KCNQ3: variants seen among roughly 807,000 people sequenced by gnomAD.
KCNQ3 encodes the protein potassium voltage-gated channel subfamily Q member 3, also known as potassium voltage-gated channel subfamily KQT member 3.
KCNQ3 carries 30 observed loss-of-function variants against 92.5 expected under a neutral mutation model. The observed-to-expected ratio is 0.32, with a 90% CI of 0.24 to 0.44. KCNQ3 has a LOEUF of 0.44. Ranked by LOEUF, KCNQ3 falls within the 20% of genes least tolerant of loss-of-function variation. KCNQ3 has a pLI of 1.00. For missense variants in KCNQ3, 913 were observed against 1,140.3 expected, an observed-to-expected ratio of 0.80 and a Z score of 2.87; for synonymous variants, 450 against 468.8, an observed-to-expected ratio of 0.96 and a Z score of 0.52.
chr8:132,253,554 A>G (rs1161926162), intron 1 of KCNQ3, among the ~76,000 whole-genome samples: 1 of 152,278 alleles, frequency 6.6e-6, no homozygotes, highest in South Asian at 2.1e-4. Context: ...TCCAGAAATA[A>G]TCTACTCTCC....
intron 1 of KCNQ3, among the ~76,000 whole-genome samples, chr8:132,256,828 T>A (rs2130456917): frequency 6.6e-6 from 1 of 152,184 alleles, no homozygotes; most frequent in South Asian, 2.1e-4. Flanking sequence ...AAACAAAAAA[T>A]TTGCTGCTTG....
At chr8:132,167,697 C>G (rs555703733) in intron 8 of KCNQ3, among the ~76,000 whole-genome samples, 56 of 152,354 alleles carry the variant, frequency 3.7e-4, no homozygotes, top group African/African-American at 1.3e-3. Context: ...AATATATTCT[C>G]TTAGTTTAAA....
chr8:132,303,693 C>T lies in KCNQ3; in HGVS notation c.387-117512G>A, dbSNP rs1191794379. ...ATATATATATACACACACACAGCCA[C>T]ACCACACACACACATATATATACAC... On this transcript the variant is annotated intron_variant, in intron 1 of 14. Coordinates refer to ENST00000388996, the MANE Select transcript of KCNQ3 (RefSeq NM_004519.4). Among the ~76,000 whole-genome samples the T allele has an allele frequency of 3.7e-5, 5 of 134,924 alleles. 1 individual carries two copies. The highest frequency in any genetic ancestry group is 8.3e-5 in the African/African-American group (3 of 36,078). 88.5% of individuals were successfully genotyped at this position (134,924 alleles called of 152,430 possible). A position where few individuals can be genotyped will look rare whatever the true frequency, so the allele number is the denominator to read the frequency against.
At chr8:132,173,133 A>G (rs546870316) in intron 6 of KCNQ3, among the ~76,000 whole-genome samples, 17 of 152,312 alleles carry the variant, frequency 1.1e-4, no homozygotes, top group African/African-American at 4.1e-4. Context: ...AGCTGCTTGA[A>G]CTGTCACGTG....
chr8:132,173,336 T>C lies in KCNQ3; in HGVS notation c.1045-643A>G, dbSNP rs185768546. Among the ~76,000 whole-genome samples, 36 of 152,158 alleles carry C rather than the reference T, an allele frequency of 2.4e-4. No homozygotes were observed. In the East Asian group the frequency reaches 6.8e-3, roughly 29 times the overall value. On this transcript the variant is annotated intron_variant, in intron 6 of 14. Coordinates refer to ENST00000388996, the MANE Select transcript of KCNQ3 (RefSeq NM_004519.4). Reference sequence around the variant, plus strand: ...ATTTAAGAAGGTCATTTGCTCAAGGTCAAATAGCTTAGGAAAAAAACCGAC... The same window carrying C: ...ATTTAAGAAGGTCATTTGCTCAAGGCCAAATAGCTTAGGAAAAAAACCGAC...
intron 1 of KCNQ3, among the ~76,000 whole-genome samples, chr8:132,200,462 A>T (rs1221357205): frequency 6.6e-6 from 1 of 152,142 alleles, no homozygotes; most frequent in Admixed American, 6.6e-5. Context: ...CTATGAGCCA[A>T]AGGCAATTTA....
At chr8:132,413,698 A>AAAATACCCCCTTTCTTC (rs1401670339) in intron 1 of KCNQ3, among the ~76,000 whole-genome samples, 8 of 152,236 alleles carry the variant, frequency 5.3e-5, no homozygotes, top group Admixed American at 5.2e-4. Context: ...CGCAAGATGG[A>AAAATACCCCCTTTCTTC]AAATACCCCC....
At chr8:132,345,886 ATGG>A (rs1202139243) in intron 1 of KCNQ3, among the ~76,000 whole-genome samples, 1 of 152,018 alleles carries the variant, frequency 6.6e-6, no homozygotes, top group African/African-American at 2.4e-5. Context: ...GGAGGATGGA[ATGG>A]TGATGATGAT....
intron 1 of KCNQ3, among the ~76,000 whole-genome samples, chr8:132,244,542 A>G (rs1815100020): frequency 6.6e-6 from 1 of 152,220 alleles, no homozygotes; most frequent in South Asian, 2.1e-4. Flanking sequence ...CAAAAGAATG[A>G]AAAGGCAAAA....
intron 1 of KCNQ3, among the ~76,000 whole-genome samples, chr8:132,305,023 C>A (rs1817374537): frequency 6.6e-6 from 1 of 152,174 alleles, no homozygotes; most frequent in South Asian, 2.1e-4. Context: ...TTCCCCAGAG[C>A]CATTTCTCTC....
chr8:132,334,340 G>T (rs377762246), intron 1 of KCNQ3, among the ~76,000 whole-genome samples: 6 of 151,982 alleles, frequency 3.9e-5, no homozygotes, highest in African/African-American at 1.4e-4. Context: ...AGGTGTGGTG[G>T]CATACACCTG....
intron 1 of KCNQ3, among the ~76,000 whole-genome samples, chr8:132,414,884 A>G (rs1820754327): frequency 6.6e-6 from 1 of 152,256 alleles, no homozygotes; most frequent in African/African-American, 2.4e-5. Flanking sequence ...AGGAGTGATA[A>G]ATAATGAACG....
chr8:132,314,677 G>T (rs1320128591), intron 1 of KCNQ3, among the ~76,000 whole-genome samples: 1 of 152,160 alleles, frequency 6.6e-6, no homozygotes, highest in East Asian at 1.9e-4. Flanking sequence ...TTTAGTTTAT[G>T]GTGAAGGTAG....
chr8:132,172,909 C>T (rs1022665494), intron 6 of KCNQ3, among the ~76,000 whole-genome samples: 1 of 152,194 alleles, frequency 6.6e-6, no homozygotes, highest in African/African-American at 2.4e-5. Context: ...GTCAGGAAGA[C>T]CTGGGTTCCA....
At chr8:132,469,739 A>G (rs1429052155) in intron 1 of KCNQ3, among the ~76,000 whole-genome samples, 1 of 152,132 alleles carries the variant, frequency 6.6e-6, no homozygotes, top group Non-Finnish European at 1.5e-5. Flanking sequence ...ATAGGATCAC[A>G]ACCAAGTTTC....
chr8:132,427,377 G>A (rs1821138523), intron 1 of KCNQ3, among the ~76,000 whole-genome samples: 1 of 152,168 alleles, frequency 6.6e-6, no homozygotes. Flanking sequence ...TTCTTGCCTG[G>A]TCTCCTTTAA....
At chr8:132,434,002 A>T (rs920756339) in intron 1 of KCNQ3, among the ~76,000 whole-genome samples, 5 of 152,064 alleles carry the variant, frequency 3.3e-5, no homozygotes, top group African/African-American at 1.2e-4. Flanking sequence ...AGGTCAGGAG[A>T]TCGAGACCAT....
chr8:132,458,941 C>T (rs1822003426), intron 1 of KCNQ3, among the ~76,000 whole-genome samples: 1 of 152,184 alleles, frequency 6.6e-6, no homozygotes, highest in African/African-American at 2.4e-5. Context: ...TTAGTTTTTA[C>T]TTAATACCCT....
At chr8:132,203,306 G>A (rs1827518075) in intron 1 of KCNQ3, among the ~76,000 whole-genome samples, 1 of 152,074 alleles carries the variant, frequency 6.6e-6, no homozygotes, top group Admixed American at 6.6e-5. Flanking sequence ...GTTACTTTAG[G>A]CTTTGAGGCA....
Sources: allele counts gnomAD v4.1 joint callset (sites outside exome capture counted in the v4.1 genomes callset), GRCh38; gene constraint gnomAD v4.1.1; transcripts MANE v1.5; gene names NCBI Gene and HGNC (gene_info 2026-07-23, HGNC 2026-07-21).